Variants in SSH1 observed in about 807,000 individuals in gnomAD.
SSH1 encodes slingshot protein phosphatase 1.
A neutral mutation model predicts 79.7 loss-of-function variants in SSH1; 43 were observed. The ratio of observed to expected loss-of-function variants is 0.54; its 90% CI spans 0.42 to 0.70. The LOEUF (loss-of-function observed/expected upper bound fraction) is 0.70, where lower values mean the gene tolerates loss of function less well. Among genes scored for constraint, SSH1 ranks in the 30% least tolerant of loss-of-function variants. The pLI is 0.00. For missense variants in SSH1, 1,206 were observed against 1,358.8 expected, an observed-to-expected ratio of 0.89 and a Z score of 1.77; for synonymous variants, 599 against 538.3, an observed-to-expected ratio of 1.11 and a Z score of -1.56.
intron 5 of SSH1, among the ~76,000 whole-genome samples, chr12:108,815,427 G>T (rs1015733087): frequency 1.6e-4 from 24 of 152,226 alleles, no homozygotes; most frequent in Non-Finnish European, 1.3e-4. Context: ...ATGGGAGGCC[G>T]ATTTCCGTTC....
At chr12:108,822,506 G>T (rs984244467) in intron 3 of SSH1, among the ~76,000 whole-genome samples, 1 of 151,996 alleles carries the variant, frequency 6.6e-6, no homozygotes, top group Non-Finnish European at 1.5e-5. Context: ...GAGTGCAGTG[G>T]CGTGATCCTA....
chr12:108,816,613 G>A (rs761710794), intron 5 of SSH1, among the ~76,000 whole-genome samples: 2 of 152,166 alleles, frequency 1.3e-5, no homozygotes. Flanking sequence ...AGGTGTCTGA[G>A]GCGAGGCCCA....
At chr12:108,803,583 A>G (rs2037124682) in intron 10 of SSH1, among the ~76,000 whole-genome samples, 1 of 152,200 alleles carries the variant, frequency 6.6e-6, no homozygotes, top group African/African-American at 2.4e-5. Flanking sequence ...AGAGGCCCAA[A>G]CATAAAAATT....
chr12:108,814,982 G>A (rs551502056), intron 5 of SSH1, among the ~76,000 whole-genome samples: 4 of 152,376 alleles, frequency 2.6e-5, no homozygotes, highest in South Asian at 4.1e-4. Flanking sequence ...CTGTGAGACT[G>A]TAGGTGTGTC....
At chr12:108,789,971 GGT>G (rs2036433175) in intron 14 of SSH1, among the ~76,000 whole-genome samples, 1 of 151,970 alleles carries the variant, frequency 6.6e-6, no homozygotes, top group Non-Finnish European at 1.5e-5. Context: ...TAGGATTACA[GGT>G]GTGAGCGACT....
Position 108,800,895 on chromosome 12 carries a change from T to C in SSH1, c.1033A>G (p.Ile345Val). ...AATAAGCCAGGAAAAAAATTATCGATTTCTCTGGTAACATTTAAAATGTAA... is the reference window on the plus strand; with the variant it reads ...AATAAGCCAGGAAAAAAATTATCGACTTCTCTGGTAACATTTAAAATGTAA... ...VDYILNVTRE[I>V]DNFFPGLFAY... The change falls in exon 12 of 15, where the codon ATC (isoleucine) becomes GTC (valine). Residue 345 changes from isoleucine (I) to valine (V), a missense_variant. By Grantham distance (29) the Ile-to-Val change is conservative. This residue lies in a region of SSH1 where 166 missense variants were observed against 262.9 expected (regional missense o/e 0.63). Coordinates refer to ENST00000326495, the MANE Select transcript of SSH1 (RefSeq NM_018984.4). The C allele has an allele frequency of 6.2e-7, 1 of 1,614,012 alleles. No individual in the cohort carries two copies. Among genetic ancestry groups the C allele is most frequent in the Non-Finnish European group, 8.5e-7 (1 of 1,179,960 alleles).
Position 108,792,716 on chromosome 12 carries a change from G to A in SSH1, c.1463C>T (p.Pro488Leu), listed in dbSNP as rs773831319. Reference sequence around the variant, plus strand: ...ATCCAAGAAGGGCAGCTGGCTTTCCGGGGTGCCATCTGGGGTCTCTGGCAA... The same window carrying A: ...ATCCAAGAAGGGCAGCTGGCTTTCCAGGGTGCCATCTGGGGTCTCTGGCAA... ...DFLPETPDGT[P>L]ESQLPFLDDA... The change falls in exon 14 of 15, where the codon CCG becomes CTG. Residue 488 changes from proline to leucine, a missense_variant. By Grantham distance (98) the Pro-to-Leu change is moderately conservative. Transcript: ENST00000326495. 1.2e-5 allele frequency: 20 copies of A among 1,613,480 alleles called. No homozygotes were observed. The highest frequency in any genetic ancestry group is 1.0e-4 in the Admixed American group (6 of 60,010).
chr12:108,792,411 TCTC>T lies in SSH1; in HGVS notation c.1765_1767del (p.Glu589del), dbSNP rs1565969892. 6.2e-7 allele frequency: 1 copy of T among 1,614,120 alleles called. No individual in the cohort carries two copies. The highest frequency in any genetic ancestry group is 1.1e-5 in the South Asian group (1 of 91,076). ...GCTCCCAGGCCCTCCTCCCTTTCCGTCTCCTCCACCTGCAGCAAGGAGCCGCTC... is the reference window on the plus strand; with the variant it reads ...GCTCCCAGGCCCTCCTCCCTTTCCGTCTCCACCTGCAGCAAGGAGCCGCTC... On this transcript the variant is annotated inframe_deletion, in exon 14 of 15. Coordinates refer to ENST00000326495, the MANE Select transcript of SSH1 (RefSeq NM_018984.4).
chr12:108,780,656 G>C lies in SSH1; in HGVS notation c.*7332C>G, dbSNP rs2036136319. 1.3e-5 allele frequency: 2 copies of C among 152,182 alleles called. No individual in the cohort carries two copies. Among genetic ancestry groups the C allele is most frequent in the South Asian group, 2.1e-4 (1 of 4,834 alleles). The allele number at this position is 152,182 out of a possible 1,614,324, so 9.4% of individuals were successfully genotyped here. On this transcript the variant is annotated 3_prime_UTR_variant, in exon 15 of 15. Coordinates refer to ENST00000326495, the MANE Select transcript of SSH1 (RefSeq NM_018984.4). ...TTGTTAGCTATCTTCAACCTTGCCA[G>C]AGAACAGTGTCTTGAACCATGACCC...
At chr12:108,796,753 T>C (rs1199394098) in intron 13 of SSH1, among the ~76,000 whole-genome samples, 1 of 152,186 alleles carries the variant, frequency 6.6e-6, no homozygotes, top group Non-Finnish European at 1.5e-5. Flanking sequence ...ATTCCTTTTT[T>C]TTTTTTTAGA....
At chr12:108,791,828 A>G (rs1266623029) in intron 14 of SSH1, 5 of 664,978 alleles carry the variant, frequency 7.5e-6, no homozygotes, top group Non-Finnish European at 1.0e-5. Flanking sequence ...ATCTATATCT[A>G]AATCTGGGAT....
chr12:108,823,373 A>T lies in SSH1; in HGVS notation c.111-12T>A. 6.4e-7 allele frequency: 1 copy of T among 1,557,642 alleles called. No homozygotes were observed. Among genetic ancestry groups the T allele is most frequent in the South Asian group, 1.2e-5 (1 of 84,760 alleles). On this transcript the variant is annotated splice_polypyrimidine_tract_variant and intron_variant, in intron 2 of 14. Coordinates refer to ENST00000326495, the MANE Select transcript of SSH1 (RefSeq NM_018984.4). ...AGCTCTCACTTAAGCTGGGAAGGAT[A>T]AGACCAGAGCACAGTTAGACCGGAA...
At chr12:108,836,013 C>T (rs148967362) in intron 2 of SSH1, among the ~76,000 whole-genome samples, 4,298 of 13,222 alleles carry the variant, frequency 0.33, 372 homozygotes, top group South Asian at 0.5. Flanking sequence ...TCGATTATAA[C>T]TATATTAATA....
chr12:108,844,534 A>G (rs982097604), intron 2 of SSH1, among the ~76,000 whole-genome samples: 1 of 152,214 alleles, frequency 6.6e-6, no homozygotes, highest in East Asian at 1.9e-4. Flanking sequence ...ACTTGTTTAC[A>G]TGTGTTCTAT....
chr12:108,787,007 G>C lies in SSH1; in HGVS notation c.*981C>G, dbSNP rs917865169. 6.6e-6 allele frequency: 1 copy of C among 152,238 alleles called. No individual in the cohort carries two copies. The highest frequency in any genetic ancestry group is 2.4e-5 in the African/African-American group (1 of 41,454). 9.4% of individuals were successfully genotyped at this position (152,238 alleles called of 1,614,324 possible). A position where few individuals can be genotyped will look rare whatever the true frequency, so the allele number is the denominator to read the frequency against. Reference sequence around the variant, plus strand: ...TAGACATCCGGGAAGCATCCCGACAGTCCCGTTCCTTTCGGGGAAGCCGCT... The same window carrying C: ...TAGACATCCGGGAAGCATCCCGACACTCCCGTTCCTTTCGGGGAAGCCGCT... On this transcript the variant is annotated 3_prime_UTR_variant, in exon 15 of 15. Coordinates refer to ENST00000326495, the MANE Select transcript of SSH1 (RefSeq NM_018984.4).
At chr12:108,841,562 C>T (rs1228400135) in intron 2 of SSH1, among the ~76,000 whole-genome samples, 1 of 152,162 alleles carries the variant, frequency 6.6e-6, no homozygotes, top group African/African-American at 2.4e-5. Flanking sequence ...AATCCCAGCA[C>T]TTTGGGAGGC....
intron 10 of SSH1, 29 bp downstream of exon 10, chr12:108,805,027 C>G (rs1206836366): frequency 6.2e-7 from 1 of 1,613,190 alleles, no homozygotes; most frequent in East Asian, 2.2e-5. Flanking sequence ...GTCCCCCAAA[C>G]CAGATACTGC....
chr12:108,809,538 A>G (rs2037468099), intron 7 of SSH1, among the ~76,000 whole-genome samples, 155 bp downstream of exon 7: 2 of 151,980 alleles, frequency 1.3e-5, no homozygotes, highest in African/African-American at 4.8e-5. Flanking sequence ...GCCTTTAAAT[A>G]TGGTGAAAAT....
intron 5 of SSH1, among the ~76,000 whole-genome samples, chr12:108,813,514 G>C (rs1295806777): frequency 6.6e-6 from 1 of 151,676 alleles, no homozygotes; most frequent in East Asian, 1.9e-4. Flanking sequence ...AGGAGTTTGA[G>C]ACCAGCCTGG....
Sources: allele counts gnomAD v4.1 joint callset (sites outside exome capture counted in the v4.1 genomes callset), GRCh38; gene constraint gnomAD v4.1.1; regional missense constraint gnomAD v4.1.1; transcripts MANE v1.5; gene names NCBI Gene and HGNC (gene_info 2026-07-23, HGNC 2026-07-21).